ANKRD36: variants seen among roughly 807,000 people sequenced by gnomAD.
ANKRD36 encodes ankyrin repeat domain 36.
In ANKRD36, 179 loss-of-function variants were observed where a neutral mutation model predicts 278.1. The observed-to-expected ratio is 0.64, with a 90% CI of 0.57 to 0.73. The LOEUF is 0.73. Ranked by LOEUF, ANKRD36 falls within the 30% of genes least tolerant of loss-of-function variation. The pLI is 0.00. For missense variants in ANKRD36, 1,159 were observed against 1,956.7 expected, an observed-to-expected ratio of 0.59 and a Z score of 7.69; for synonymous variants, 320 against 641.1, an observed-to-expected ratio of 0.50 and a Z score of 7.57.
chr2:97,154,678 T>A lies in ANKRD36; in HGVS notation c.1197T>A (p.Cys399Ter), dbSNP rs761228908. 2.7e-6 allele frequency: 4 copies of A among 1,486,528 alleles called. No individual in the cohort carries two copies. The South Asian group carries it at 4.8e-5, about 18-fold the overall frequency. The allele number at this position is 1,486,528 out of a possible 1,614,324, so 92.1% of individuals were successfully genotyped here. ...GTAATATCTTTTTGCTCTGTAGGTG[T>A]CTCTACCTACTGGACCGTTTTGCAC... ...LPPVEEAVDRCLYLLDRFAQP... is the reference protein window; with the variant it reads ...LPPVEEAVDR The change falls in exon 15 of 76, where the codon TGT becomes TGA. Residue 399 changes from cysteine to a stop codon, truncating the protein, a stop_gained. Coordinates refer to ENST00000420699, the MANE Select transcript of ANKRD36 (RefSeq NM_001354587.1). LOFTEE classifies it high-confidence loss of function.
chr2:97,221,474 C>T (rs2067653115), intron 66 of ANKRD36, among the ~76,000 whole-genome samples: 1 of 111,064 alleles, frequency 9.0e-6, no homozygotes, highest in Admixed American at 9.7e-5. Context: ...GCCATTCTAA[C>T]TGGTGTGAGA....
chr2:97,183,369 G>A (rs2056704514), intron 26 of ANKRD36, 90 bp from the exon 27 acceptor site: 3 of 1,412,148 alleles, frequency 2.1e-6, no homozygotes, highest in Admixed American at 2.3e-5. Flanking sequence ...GCAGGCAGGA[G>A]GATACAGCTT....
chr2:97,202,186 C>G lies in ANKRD36; in HGVS notation c.2858-16C>G. 6.2e-7 allele frequency: 1 copy of G among 1,609,126 alleles called. No homozygotes were observed. The highest frequency in any genetic ancestry group is 1.1e-5 in the South Asian group (1 of 90,798). Reference sequence around the variant, plus strand: ...TATTTACGTATGACTGATTATGAATCCCTTTTGCTTTTCAGTGTCTTCTCA... The same window carrying G: ...TATTTACGTATGACTGATTATGAATGCCTTTTGCTTTTCAGTGTCTTCTCA... On this transcript the variant is annotated splice_polypyrimidine_tract_variant and intron_variant, in intron 46 of 75. Coordinates refer to ENST00000420699, the MANE Select transcript of ANKRD36 (RefSeq NM_001354587.1).
chr2:97,118,183 A>G lies in ANKRD36; in HGVS notation c.312+5A>G. ...GACAGGACACCTCTGATCAAGGTAT[A>G]TAGTAGCTGACTCTTTGAGCATGAG... is the stretch of plus-strand genomic sequence containing the variant. On this transcript the variant is annotated splice_donor_5th_base_variant and intron_variant, in intron 2 of 75. Transcript: ENST00000420699. The G allele has an allele frequency of 1.9e-6, 3 of 1,583,528 alleles. No homozygotes were observed. Among genetic ancestry groups the G allele is most frequent in the Non-Finnish European group, 1.7e-6 (2 of 1,163,220 alleles).
chr2:97,149,577 G>T (rs2045355130), intron 12 of ANKRD36, among the ~76,000 whole-genome samples: 1 of 149,672 alleles, frequency 6.7e-6, no homozygotes, highest in African/African-American at 2.5e-5. Context: ...TGAGAGGTGT[G>T]ATCTGAAAAA....
intron 20 of ANKRD36, among the ~76,000 whole-genome samples, chr2:97,166,250 G>A (rs958011937): frequency 3.3e-5 from 5 of 151,664 alleles, no homozygotes; most frequent in African/African-American, 1.2e-4. Context: ...AAATAAAGCC[G>A]TAAAGATAAA....
chr2:97,152,893 A>G, intron 14 of ANKRD36, among the ~76,000 whole-genome samples: 1 of 149,300 alleles, frequency 6.7e-6, no homozygotes, highest in Non-Finnish European at 1.5e-5. Flanking sequence ...ATCAATTCAG[A>G]AAGTCACATT....
chr2:97,228,555 C>T (rs2070754616), intron 67 of ANKRD36, among the ~76,000 whole-genome samples: 1 of 152,036 alleles, frequency 6.6e-6, no homozygotes, highest in African/African-American at 2.4e-5. Context: ...TGCTAGCTGT[C>T]TATCAATTTT....
At chr2:97,165,998 C>T (rs1016454803) in intron 20 of ANKRD36, among the ~76,000 whole-genome samples, 1 of 151,550 alleles carries the variant, frequency 6.6e-6, no homozygotes, top group Non-Finnish European at 1.5e-5. Flanking sequence ...GAGACTATGT[C>T]ATTGTAATTG....
At chr2:97,203,485 T>C (rs995331980) in intron 48 of ANKRD36, among the ~76,000 whole-genome samples, 1 of 151,846 alleles carries the variant, frequency 6.6e-6, no homozygotes, top group Non-Finnish European at 1.5e-5. Flanking sequence ...TTACACCATA[T>C]GGGGGTGAGA....
intron 34 of ANKRD36, among the ~76,000 whole-genome samples, chr2:97,190,128 A>G (rs2058184781): frequency 1.1e-5 from 1 of 89,580 alleles, no homozygotes; most frequent in African/African-American, 2.6e-5. Context: ...CAAGAAGGCT[A>G]TTTTAGAAAC....
intron 6 of ANKRD36, among the ~76,000 whole-genome samples, chr2:97,132,725 A>G (rs551904506): frequency 6.6e-6 from 1 of 152,190 alleles, no homozygotes; most frequent in East Asian, 1.9e-4. Flanking sequence ...GATTTGTTAC[A>G]GTGAAAGAAT....
chr2:97,203,142 TC>T (rs2061857608), intron 48 of ANKRD36, among the ~76,000 whole-genome samples: 1 of 151,778 alleles, frequency 6.6e-6, no homozygotes, highest in South Asian at 2.1e-4. Context: ...GTTTCCTTGT[TC>T]AAGGAGCTAC....
chr2:97,132,806 G>C lies in ANKRD36; in HGVS notation c.799+5672G>C, dbSNP rs183492904. 3.9e-5 allele frequency among the ~76,000 whole-genome samples: 6 copies of C among 152,124 alleles called. No homozygotes were observed. The East Asian group carries it at 1.2e-3, about 29-fold the overall frequency. On this transcript the variant is annotated intron_variant, in intron 6 of 75. Coordinates refer to ENST00000420699, the MANE Select transcript of ANKRD36 (RefSeq NM_001354587.1). Reference sequence around the variant, plus strand: ...GGGGAAGCCAGGCACAAGCTTCCGGGAGCCCTCTCCTGTGGAGTTACCAGG... The same window carrying C: ...GGGGAAGCCAGGCACAAGCTTCCGGCAGCCCTCTCCTGTGGAGTTACCAGG...
At chr2:97,210,541 G>A (rs2064173362) in intron 56 of ANKRD36, among the ~76,000 whole-genome samples, 1 of 151,818 alleles carries the variant, frequency 6.6e-6, no homozygotes, top group Admixed American at 6.6e-5. Flanking sequence ...TTACTAGGAG[G>A]CGTCAGAGAT....
intron 6 of ANKRD36, among the ~76,000 whole-genome samples, chr2:97,127,898 A>C (rs2039039316): frequency 6.6e-6 from 1 of 152,016 alleles, no homozygotes; most frequent in Non-Finnish European, 1.5e-5. Context: ...ATCAGTGAAG[A>C]GGCCATGTTG....
intron 15 of ANKRD36, among the ~76,000 whole-genome samples, chr2:97,156,907 A>T (rs1398109688): frequency 4.0e-5 from 6 of 151,642 alleles, no homozygotes; most frequent in Non-Finnish European, 7.4e-5. Context: ...TTTAATGATC[A>T]CCATTCTAAC....
intron 36 of ANKRD36, 123 bp downstream of exon 36, chr2:97,191,304 C>T (rs2058466810): frequency 8.4e-7 from 1 of 1,188,238 alleles, no homozygotes; most frequent in African/African-American, 1.6e-5. Flanking sequence ...TCCTGAGATT[C>T]TTCATTTGCA....
chr2:97,183,409 A>T, intron 26 of ANKRD36, 50 bp from the exon 27 acceptor site: 1 of 1,511,852 alleles, frequency 6.6e-7, no homozygotes, highest in Non-Finnish European at 8.9e-7. Flanking sequence ...TGTATGGATG[A>T]CTTTGTCATA....
Sources: allele counts gnomAD v4.1 joint callset (sites outside exome capture counted in the v4.1 genomes callset), GRCh38; gene constraint gnomAD v4.1.1; transcripts MANE v1.5; gene names NCBI Gene and HGNC (gene_info 2026-07-23, HGNC 2026-07-21).